RGS6: variants seen among roughly 807,000 people sequenced by gnomAD.
The protein encoded by RGS6 is regulator of G-protein signaling 6.
Under a neutral mutation model 78.5 loss-of-function variants are expected in RGS6, and 30 were observed. The observed-to-expected ratio is 0.38, with a 90% CI of 0.29 to 0.52. RGS6 has a LOEUF of 0.52. Ranked by LOEUF, RGS6 falls within the 20% of genes least tolerant of loss-of-function variation. RGS6 has a pLI of 0.85. For synonymous variants in RGS6, 206 were observed against 206.0 expected, an observed-to-expected ratio of 1.00 and a Z score of 0.00; for missense variants, 495 against 609.7, an observed-to-expected ratio of 0.81 and a Z score of 1.98.
chr14:72,449,499 T>C (rs2095442420), intron 3 of RGS6, among the ~76,000 whole-genome samples: 1 of 152,120 alleles, frequency 6.6e-6, no homozygotes. Flanking sequence ...ATTCTACAAT[T>C]TTGGAGGAGC....
chr14:72,069,708 T>C (rs751165805), intron 2 of RGS6, among the ~76,000 whole-genome samples: 10 of 151,886 alleles, frequency 6.6e-5, no homozygotes, highest in Non-Finnish European at 1.5e-4. Context: ...CCCAGCTAAT[T>C]TTTGTATTTT....
intron 2 of RGS6, among the ~76,000 whole-genome samples, chr14:72,331,485 C>T (rs1322640548): frequency 1.3e-5 from 2 of 152,088 alleles, no homozygotes; most frequent in African/African-American, 4.8e-5. Context: ...AGACAATTGC[C>T]CCGGGAGTGC....
At chr14:72,292,845 G>C (rs1442235331) in intron 2 of RGS6, among the ~76,000 whole-genome samples, 1 of 152,202 alleles carries the variant, frequency 6.6e-6, no homozygotes, top group Non-Finnish European at 1.5e-5. Context: ...AACTGGCCCA[G>C]AGCTGTCCTG....
intron 2 of RGS6, among the ~76,000 whole-genome samples, chr14:72,103,658 T>A (rs1455144739): frequency 1.3e-5 from 2 of 152,120 alleles, no homozygotes; most frequent in African/African-American, 4.8e-5. Context: ...AAAATCAAAT[T>A]GTGAAAGGTT....
At chr14:72,500,479 A>G (rs1852565670) in intron 13 of RGS6, among the ~76,000 whole-genome samples, 1 of 152,240 alleles carries the variant, frequency 6.6e-6, no homozygotes, top group Admixed American at 6.5e-5. Flanking sequence ...TAATTGAGTC[A>G]CTTTCTCTCG....
chr14:71,912,316 A>G, the RGS6 span, among the ~76,000 whole-genome samples: 10,697 of 152,240 alleles, frequency 0.07, 465 homozygotes, highest in Non-Finnish European at 0.098. Context: ...AAGGTTTGTC[A>G]GGGGTCCTTT....
At chr14:72,521,578 G>A (rs80315252) in intron 15 of RGS6, among the ~76,000 whole-genome samples, 2,790 of 152,280 alleles carry the variant, frequency 0.018, 93 homozygotes, top group African/African-American at 0.063. Flanking sequence ...GATGTCTTAA[G>A]CATCCCCATC....
At chr14:72,212,362 T>A (rs1200949016) in intron 2 of RGS6, among the ~76,000 whole-genome samples, 1 of 152,216 alleles carries the variant, frequency 6.6e-6, no homozygotes, top group East Asian at 1.9e-4. Flanking sequence ...CCTTGCTGAA[T>A]TGCCTGTGTT....
intron 3 of RGS6, among the ~76,000 whole-genome samples, chr14:72,445,221 T>G (rs1020963080): frequency 6.6e-6 from 1 of 152,248 alleles, no homozygotes; most frequent in African/African-American, 2.4e-5. Context: ...AGACGGAGTC[T>G]CATGCTGTCG....
intron 2 of RGS6, among the ~76,000 whole-genome samples, chr14:72,341,455 A>G (rs2076976409): frequency 1.3e-5 from 2 of 152,182 alleles, no homozygotes; most frequent in Admixed American, 6.5e-5. Flanking sequence ...CATGTATAAT[A>G]CATATGTATG....
At chr14:72,264,435 A>G (rs1407909088) in intron 2 of RGS6, among the ~76,000 whole-genome samples, 1 of 152,244 alleles carries the variant, frequency 6.6e-6, no homozygotes, top group Non-Finnish European at 1.5e-5. Context: ...TTAGAAAGCC[A>G]CTATGTATAA....
chr14:71,964,067 T>C (rs1205064371), intron 1 of RGS6, among the ~76,000 whole-genome samples: 1 of 152,116 alleles, frequency 6.6e-6, no homozygotes, highest in Non-Finnish European at 1.5e-5. Flanking sequence ...TTAATGGGTA[T>C]GAAGTGGTAT....
intron 2 of RGS6, among the ~76,000 whole-genome samples, chr14:72,038,371 A>C (rs372268297): frequency 6.6e-6 from 1 of 152,134 alleles, no homozygotes; most frequent in African/African-American, 2.4e-5. Context: ...TGTTTTGGCT[A>C]TTCTTGTTTC....
chr14:72,247,848 A>G (rs1461318776), intron 2 of RGS6, among the ~76,000 whole-genome samples: 2 of 152,200 alleles, frequency 1.3e-5, no homozygotes, highest in Non-Finnish European at 1.5e-5. Context: ...ATAACACAAC[A>G]TAAAGACCCT....
chr14:72,591,479 T>G, the RGS6 span, among the ~76,000 whole-genome samples: 1 of 152,304 alleles, frequency 6.6e-6, no homozygotes, highest in African/African-American at 2.4e-5. Flanking sequence ...GATCTCTCTA[T>G]TGGCTTCAGA....
At chr14:72,515,904 T>C (rs2096936308) in intron 14 of RGS6, 1 of 152,276 alleles carries the variant, frequency 6.6e-6, no homozygotes, top group Admixed American at 6.5e-5. Flanking sequence ...TGGCATTGAT[T>C]GAGGGGGCAG....
At chr14:72,373,987 A>G (rs982499918) in intron 3 of RGS6, among the ~76,000 whole-genome samples, 1 of 152,226 alleles carries the variant, frequency 6.6e-6, no homozygotes, top group African/African-American at 2.4e-5. Context: ...GATATAAACA[A>G]TGAAGTTTTA....
intron 16 of RGS6, 111 bp from the exon 17 acceptor site, chr14:72,539,930 T>G: frequency 9.5e-6 from 9 of 948,984 alleles, no homozygotes; most frequent in Non-Finnish European, 1.4e-5. Context: ...CCATTTTGCT[T>G]TGGTTTTTGT....
chr14:72,318,675 C>T (rs1465092224), intron 2 of RGS6, among the ~76,000 whole-genome samples: 3 of 152,100 alleles, frequency 2.0e-5, no homozygotes, highest in East Asian at 1.9e-4. Context: ...GCAAAAAACA[C>T]GTCTCCAAAA....
Sources: allele counts gnomAD v4.1 joint callset (sites outside exome capture counted in the v4.1 genomes callset), GRCh38; gene constraint gnomAD v4.1.1; transcripts MANE v1.5; gene names NCBI Gene and HGNC (gene_info 2026-07-23, HGNC 2026-07-21).